The following TRHDE variants were observed in gnomAD, a reference collection of about 807,000 sequenced individuals.
TRHDE encodes the protein thyrotropin-releasing hormone-degrading ectoenzyme.
Under a neutral mutation model 125.7 loss-of-function variants are expected in TRHDE, and 72 were observed. The ratio of observed to expected loss-of-function variants is 0.57; its 90% CI spans 0.47 to 0.70. The LOEUF is 0.70. TRHDE is among the 30% of genes least tolerant of loss of function. The probability of loss-of-function intolerance (pLI) is 0.00; values close to 1 mark genes in which losing one functional copy is unlikely to be tolerated. For synonymous variants in TRHDE, 509 were observed against 509.1 expected, an observed-to-expected ratio of 1.00 and a Z score of 0.00; for missense variants, 1,110 against 1,327.1, an observed-to-expected ratio of 0.84 and a Z score of 2.54.
chr12:72,129,671 A>G (rs2139306870), intron 2 of TRHDE, among the ~76,000 whole-genome samples: 1 of 152,334 alleles, frequency 6.6e-6, no homozygotes, highest in Middle Eastern at 3.4e-3. Context: ...ACACAGCACT[A>G]CAGGTCCTGG....
chr12:72,659,532 C>A (rs1313248187), intron 18 of TRHDE, among the ~76,000 whole-genome samples: 1 of 152,042 alleles, frequency 6.6e-6, no homozygotes, highest in African/African-American at 2.4e-5. Context: ...ATAGTTAATT[C>A]TATTCATTTA....
chr12:72,647,314 G>A (rs539920768), intron 15 of TRHDE, among the ~76,000 whole-genome samples: 1 of 151,954 alleles, frequency 6.6e-6, no homozygotes, highest in East Asian at 1.9e-4. Flanking sequence ...AAACTTATGG[G>A]ATACAGTAAA....
At chr12:72,597,752 T>TACAC (rs1872032562) in intron 12 of TRHDE, among the ~76,000 whole-genome samples, 2 of 9,438 alleles carry the variant, frequency 2.1e-4, no homozygotes, top group Non-Finnish European at 4.8e-4. Context: ...TATATATATA[T>TACAC]ATATATGCAT....
chr12:72,349,558 G>A (rs28425555), intron 2 of TRHDE, among the ~76,000 whole-genome samples: 1 of 151,630 alleles, frequency 6.6e-6, no homozygotes, highest in African/African-American at 2.4e-5. Flanking sequence ...TTTTGGGCGG[G>A]GGGGTGGTGT....
chr12:72,598,324 G>A (rs1872064986), intron 12 of TRHDE, among the ~76,000 whole-genome samples: 1 of 152,094 alleles, frequency 6.6e-6, no homozygotes, highest in Non-Finnish European at 1.5e-5. Context: ...TAAACTTCAA[G>A]GAGTAGATAG....
At chr12:72,153,221 T>G (rs147841004) in intron 2 of TRHDE, among the ~76,000 whole-genome samples, 4,580 of 152,304 alleles carry the variant, frequency 0.03, 121 homozygotes, top group African/African-American at 0.068. Flanking sequence ...TAGTTTGTAT[T>G]TCTGTGGGAT....
At chr12:72,643,563 G>T (rs1183003425) in intron 15 of TRHDE, among the ~76,000 whole-genome samples, 1 of 152,034 alleles carries the variant, frequency 6.6e-6, no homozygotes, top group East Asian at 1.9e-4. Flanking sequence ...CCTTCAGGGT[G>T]GTCTATCTGT....
At chr12:72,641,458 C>T (rs1244085414) in intron 15 of TRHDE, among the ~76,000 whole-genome samples, 2 of 152,072 alleles carry the variant, frequency 1.3e-5, no homozygotes, top group Admixed American at 6.6e-5. Context: ...TTAAGATCCT[C>T]GTCTGTCCTT....
At chr12:72,184,166 A>G (rs537607434) in intron 2 of TRHDE, among the ~76,000 whole-genome samples, 152 of 152,310 alleles carry the variant, frequency 1.0e-3, no homozygotes, top group African/African-American at 3.7e-3. Context: ...CATGAAATAT[A>G]GAACACCAAA....
intron 4 of TRHDE, 54 bp from the exon 5 acceptor site, chr12:72,473,013 T>C: frequency 2.3e-6 from 3 of 1,303,816 alleles, no homozygotes; most frequent in Non-Finnish European, 3.3e-6. Flanking sequence ...TTAGATAAAA[T>C]AGTTTGGGGA....
chr12:72,647,528 CTT>C (rs1375525084), intron 15 of TRHDE, among the ~76,000 whole-genome samples: 1 of 151,652 alleles, frequency 6.6e-6, no homozygotes, highest in Non-Finnish European at 1.5e-5. Flanking sequence ...ATTGATAAAT[CTT>C]AAACTAGATT....
intron 6 of TRHDE, among the ~76,000 whole-genome samples, chr12:72,529,991 A>G (rs1374861876): frequency 6.6e-6 from 1 of 152,186 alleles, no homozygotes; most frequent in African/African-American, 2.4e-5. Flanking sequence ...GTACTATGAT[A>G]TAGGCCAATG....
intron 2 of TRHDE, among the ~76,000 whole-genome samples, chr12:72,376,271 C>T (rs1258614136): frequency 1.3e-5 from 2 of 152,194 alleles, no homozygotes; most frequent in African/African-American, 4.8e-5. Context: ...TTTCCTGCTT[C>T]CCCCATTCTC....
chr12:72,514,888 T>G (rs1468459215), intron 6 of TRHDE, among the ~76,000 whole-genome samples: 7 of 147,726 alleles, frequency 4.7e-5, no homozygotes, highest in African/African-American at 1.8e-4. Flanking sequence ...ATATGTGGTG[T>G]TTGGTTTTTT....
chr12:72,651,956 T>G (rs932727692), intron 15 of TRHDE, among the ~76,000 whole-genome samples: 1 of 151,944 alleles, frequency 6.6e-6, no homozygotes, highest in African/African-American at 2.4e-5. Context: ...TTGACATTCT[T>G]GGGTCTACCA....
At chr12:72,539,589 C>G (rs1284096377) in intron 6 of TRHDE, among the ~76,000 whole-genome samples, 2 of 151,766 alleles carry the variant, frequency 1.3e-5, no homozygotes, top group African/African-American at 2.4e-5. Flanking sequence ...ATGTTTAATA[C>G]CTCTGAGACT....
At chr12:72,285,727 G>A (rs564933278) in intron 1 of TRHDE, among the ~76,000 whole-genome samples, 2 of 152,028 alleles carry the variant, frequency 1.3e-5, no homozygotes, top group East Asian at 3.9e-4. Context: ...CACCATGTTG[G>A]CCAGGATTGT....
At chr12:72,662,562 A>G (rs1687029090) in intron 18 of TRHDE, among the ~76,000 whole-genome samples, 1 of 152,114 alleles carries the variant, frequency 6.6e-6, no homozygotes, top group African/African-American at 2.4e-5. Flanking sequence ...AATGACATCA[A>G]AGATAATGTC....
chr12:72,341,296 CT>C (rs1288759218), intron 2 of TRHDE, among the ~76,000 whole-genome samples: 3 of 151,898 alleles, frequency 2.0e-5, no homozygotes, highest in Non-Finnish European at 4.4e-5. Flanking sequence ...CCCCAACCCC[CT>C]GATGTTCCCC....
Sources: gnomAD v4.1 joint callset for allele counts (sites outside exome capture counted in the v4.1 genomes callset) on GRCh38, gnomAD v4.1.1 for gene constraint, MANE v1.5 for transcripts, NCBI Gene and HGNC (gene_info 2026-07-23, HGNC 2026-07-21) for gene names.